Variants in MPPE1 observed in about 807,000 individuals in gnomAD.
MPPE1 encodes metallophosphoesterase 1.
MPPE1 carries 28 observed loss-of-function variants against 43.8 expected under a neutral mutation model. The ratio of observed to expected loss-of-function variants is 0.64; its 90% CI spans 0.47 to 0.88. The LOEUF is 0.88. Among genes scored for constraint, MPPE1 ranks in the 40% least tolerant of loss-of-function variants. The pLI is 0.00. For missense variants in MPPE1, 428 were observed against 492.2 expected (o/e 0.87, Z 1.23); for synonymous variants, 159 against 188.5 (o/e 0.84, Z 1.28).
rs1274571692 is a variant in MPPE1 at position 11,886,883 on chromosome 18, A to G, written c.678+34T>C. 1.3e-6 allele frequency: 2 copies of G among 1,599,488 alleles called. No homozygotes were observed. Among genetic ancestry groups the G allele is most frequent in the South Asian group, 1.1e-5 (1 of 90,512 alleles). On this transcript the variant is annotated intron_variant, in intron 7 of 10. Transcript: ENST00000588072. This position sits in a 1 kb window ranked among gnomAD's most constrained non-coding sequence, Gnocchi z 4.1. The stretch of plus-strand genomic sequence containing the variant: ...CAACCGAAGCGGAGCAACACGGGAC[A>G]GAAGGCACCTGTGGCATTCAGATGC...
chr18:11,903,349 G>A (rs2039378073), intron 2 of MPPE1, among the ~76,000 whole-genome samples: 1 of 152,136 alleles, frequency 6.6e-6, no homozygotes, highest in South Asian at 2.1e-4. Flanking sequence ...AGCCACAGAT[G>A]GGCATGCGTA....
chr18:11,901,612 A>G (rs563424533), intron 2 of MPPE1, among the ~76,000 whole-genome samples: 17 of 151,760 alleles, frequency 1.1e-4, no homozygotes, highest in Admixed American at 8.5e-4. Context: ...AGGCCAAGGC[A>G]GGTGGATCAC....
intron 6 of MPPE1, among the ~76,000 whole-genome samples, chr18:11,887,338 A>C (rs1049924320): frequency 7.1e-6 from 1 of 140,744 alleles, no homozygotes; most frequent in African/African-American, 2.9e-5. Flanking sequence ...CATCTGTTAC[A>C]GCGCCTCTTC....
intron 2 of MPPE1, among the ~76,000 whole-genome samples, chr18:11,900,718 T>G (rs544543103): frequency 2.0e-5 from 3 of 151,586 alleles, no homozygotes; most frequent in Non-Finnish European, 4.4e-5. Flanking sequence ...CCATCCTGGC[T>G]AACACGGTGA....
chr18:11,896,095 CTT>C (rs1178920790), intron 3 of MPPE1, among the ~76,000 whole-genome samples: 542 of 80,416 alleles, frequency 6.7e-3, no homozygotes, highest in African/African-American at 0.012. Flanking sequence ...ATTCTTTATT[CTT>C]TTTTTTTTTT....
chr18:11,898,250 T>G (rs1008606084), intron 2 of MPPE1, among the ~76,000 whole-genome samples: 2 of 152,122 alleles, frequency 1.3e-5, no homozygotes, highest in African/African-American at 4.8e-5. Flanking sequence ...TGTATTTTTT[T>G]TAGCAGAGAC....
chr18:11,887,733 G>C (rs148817633), intron 6 of MPPE1, among the ~76,000 whole-genome samples: 1 of 152,138 alleles, frequency 6.6e-6, no homozygotes, highest in Non-Finnish European at 1.5e-5. Flanking sequence ...AATTTAACTC[G>C]TTTTAGAGAT....
At chr18:11,900,763 C>T (rs1045514896) in intron 2 of MPPE1, among the ~76,000 whole-genome samples, 37 of 151,588 alleles carry the variant, frequency 2.4e-4, no homozygotes, top group Non-Finnish European at 2.2e-4. Context: ...AAAAATTAGC[C>T]AGGCGTGGTG....
rs1433998645 is a variant in MPPE1, at chr18:11,886,688, T to C, written c.744+25A>G. ...ACCACAGGCTGCCTGCTGTCTGCCATGAGCCCTTTCCTCCCCCAGCTCACC... is the reference window on the plus strand; with the variant it reads ...ACCACAGGCTGCCTGCTGTCTGCCACGAGCCCTTTCCTCCCCCAGCTCACC... On this transcript the variant is annotated intron_variant, in intron 8 of 10. Transcript: ENST00000588072. The surrounding 1 kb of genome is among the most constrained non-coding windows in gnomAD (Gnocchi z 4.1). 1 of 1,613,916 alleles carries C rather than the reference T, an allele frequency of 6.2e-7. No individual in the cohort carries two copies. The highest frequency in any genetic ancestry group is 8.5e-7 in the Non-Finnish European group (1 of 1,180,026).
chr18:11,897,793 G>C (rs1377443558), intron 2 of MPPE1, among the ~76,000 whole-genome samples: 2 of 152,180 alleles, frequency 1.3e-5, no homozygotes, highest in African/African-American at 4.8e-5. Flanking sequence ...TGCTTTTGGT[G>C]TTAATTCATC....
intron 10 of MPPE1, 131 bp downstream of exon 10, chr18:11,885,545 A>G: frequency 9.3e-7 from 1 of 1,070,160 alleles, no homozygotes; most frequent in East Asian, 2.6e-5. Context: ...GTATGGAGCT[A>G]CGTGTAGAAG....
intron 3 of MPPE1, among the ~76,000 whole-genome samples, chr18:11,895,692 G>T (rs937028372): frequency 6.6e-6 from 1 of 152,090 alleles, no homozygotes; most frequent in Non-Finnish European, 1.5e-5. Context: ...AGGACTACAA[G>T]CGGGCATAAA....
intron 4 of MPPE1, among the ~76,000 whole-genome samples, chr18:11,890,312 T>C (rs895055494): frequency 6.6e-6 from 1 of 152,000 alleles, no homozygotes; most frequent in Non-Finnish European, 1.5e-5. Flanking sequence ...TTTTGTTTTA[T>C]TTTGTTGTTT....
chr18:11,896,209 C>T (rs2144537047), intron 3 of MPPE1, among the ~76,000 whole-genome samples: 1 of 142,158 alleles, frequency 7.0e-6, no homozygotes, highest in South Asian at 2.3e-4. Flanking sequence ...TTAAGCGATT[C>T]TCCTGCCTCT....
chr18:11,885,994 T>C, intron 9 of MPPE1, 178 bp from the exon 10 acceptor site: 1 of 522,362 alleles, frequency 1.9e-6, no homozygotes, highest in Non-Finnish European at 3.0e-6. Context: ...TTACACTAAA[T>C]CAAAGGTAAG....
rs886679585 is a variant in MPPE1 at position 11,895,200 on chromosome 18, T to G, written c.282-1624A>C. On this transcript the variant is annotated intron_variant, in intron 3 of 10. Transcript: ENST00000588072. ...TGACTCACACCTGTAATTTCAATGC[T>G]TTGGGAGGCCAAGGAGGGAGGATCA... 2.0e-5 allele frequency: 3 copies of G among 152,316 alleles called. 1 individual carries two copies. Among genetic ancestry groups the G allele is most frequent in the Non-Finnish European group, 4.4e-5 (3 of 68,162 alleles). The allele number at this position is 152,316 out of a possible 1,614,324, so 9.4% of individuals were successfully genotyped here. A position where few individuals can be genotyped will look rare whatever the true frequency, so the allele number is the denominator to read the frequency against.
intron 4 of MPPE1, among the ~76,000 whole-genome samples, chr18:11,889,942 T>C (rs903572472): frequency 7.2e-6 from 1 of 139,788 alleles, no homozygotes; most frequent in African/African-American, 2.9e-5. Context: ...AAAGATGATG[T>C]AGAACTTTTT....
chr18:11,908,040 G>A (rs933840586), intron 1 of MPPE1, 161 bp downstream of exon 1: 1 of 152,106 alleles, frequency 6.6e-6, no homozygotes, highest in Non-Finnish European at 1.5e-5. Flanking sequence ...ACTAGAGTGA[G>A]AGACCCCTGC....
chr18:11,885,867 C>G (rs1474897783), intron 9 of MPPE1, 51 bp from the exon 10 acceptor site: 1 of 1,536,172 alleles, frequency 6.5e-7, no homozygotes, highest in African/African-American at 1.4e-5. Flanking sequence ...CATCCTCAAC[C>G]AGGCTCTCAC....
Sources: gnomAD v4.1 joint callset for allele counts (sites outside exome capture counted in the v4.1 genomes callset) on GRCh38, gnomAD v4.1.1 for gene constraint, Gnocchi (gnomAD v3.1) non-coding constraint, MANE v1.5 for transcripts, NCBI Gene and HGNC (gene_info 2026-07-23, HGNC 2026-07-21) for gene names.